Variants in XXYLT1 observed in about 807,000 individuals in gnomAD.
XXYLT1 encodes the protein UDP-xylose:alpha-xyloside alpha-1,3-xylosyltransferase.
In XXYLT1, 20 loss-of-function variants were observed where a neutral mutation model predicts 28.9. That is an observed-to-expected ratio of 0.69 (90% CI 0.49 to 1.00). XXYLT1 has a LOEUF of 1.00. XXYLT1 is among the 50% of genes least tolerant of loss of function. The pLI, the probability that XXYLT1 is intolerant of heterozygous loss-of-function variation, is 0.00. For missense variants in XXYLT1, 542 were observed against 560.1 expected (o/e 0.97, Z 0.33); for synonymous variants, 257 against 253.8 (o/e 1.01, Z -0.12).
chr3:195,146,561 G>C (rs1031064709), intron 3 of XXYLT1, among the ~76,000 whole-genome samples: 7 of 152,148 alleles, frequency 4.6e-5, no homozygotes, highest in African/African-American at 1.4e-4. Context: ...CTTTCTATTC[G>C]GGCACAGAGT....
intron 1 of XXYLT1, among the ~76,000 whole-genome samples, chr3:195,228,446 C>T (rs1218562865): frequency 1.3e-5 from 2 of 151,344 alleles, no homozygotes; most frequent in Non-Finnish European, 2.9e-5. Flanking sequence ...CCACCGTCTG[C>T]TCTTCCCTAC....
At chr3:195,235,241 T>A (rs1249634514) in intron 1 of XXYLT1, among the ~76,000 whole-genome samples, 1 of 152,180 alleles carries the variant, frequency 6.6e-6, no homozygotes, top group African/African-American at 2.4e-5. Context: ...TATTTTCACA[T>A]AGCCTCTTAA....
At chr3:195,241,383 A>G (rs947718558) in intron 1 of XXYLT1, among the ~76,000 whole-genome samples, 1 of 152,198 alleles carries the variant, frequency 6.6e-6, no homozygotes, top group Non-Finnish European at 1.5e-5. Flanking sequence ...GTTTCCTTAA[A>G]GGAAGTTTTC....
chr3:195,260,239 G>A (rs1294780798), intron 1 of XXYLT1, among the ~76,000 whole-genome samples: 1 of 150,698 alleles, frequency 6.6e-6, no homozygotes, highest in Admixed American at 6.6e-5. Flanking sequence ...CACTGCACTC[G>A]GCCCGTGTGT....
intron 1 of XXYLT1, among the ~76,000 whole-genome samples, chr3:195,258,377 C>T (rs1016372565): frequency 1.3e-5 from 2 of 152,142 alleles, no homozygotes; most frequent in Admixed American, 1.3e-4. Context: ...CCAAAAATGA[C>T]TATAAACAGT....
At chr3:195,212,969 C>T (rs1318937137) in intron 2 of XXYLT1, among the ~76,000 whole-genome samples, 3 of 152,238 alleles carry the variant, frequency 2.0e-5, no homozygotes, top group Non-Finnish European at 4.4e-5. Flanking sequence ...TCCTCTTCAA[C>T]AACTCCATCC....
chr3:195,139,481 C>T (rs796989302), intron 3 of XXYLT1, among the ~76,000 whole-genome samples: 48 of 152,274 alleles, frequency 3.2e-4, no homozygotes, highest in African/African-American at 1.1e-3. Flanking sequence ...ACCTCCACGT[C>T]GCAGGAGTGC....
chr3:195,192,696 G>A (rs996130043), intron 2 of XXYLT1, among the ~76,000 whole-genome samples: 52 of 152,182 alleles, frequency 3.4e-4, no homozygotes, highest in African/African-American at 1.2e-3. Context: ...TCCTCCTAAG[G>A]TTGGGAACAA....
chr3:195,238,215 G>A (rs1419799651), intron 1 of XXYLT1, among the ~76,000 whole-genome samples: 1 of 152,052 alleles, frequency 6.6e-6, no homozygotes, highest in Non-Finnish European at 1.5e-5. Flanking sequence ...GGCCACACCT[G>A]GATGACCTAC....
At chr3:195,269,358 A>C (rs1725943455) in intron 1 of XXYLT1, among the ~76,000 whole-genome samples, 1 of 152,222 alleles carries the variant, frequency 6.6e-6, no homozygotes, top group Non-Finnish European at 1.5e-5. Context: ...GAGGACCTTC[A>C]GAGGTCCCAG....
intron 3 of XXYLT1, among the ~76,000 whole-genome samples, chr3:195,085,664 T>C (rs573672305): frequency 1.3e-5 from 2 of 152,314 alleles, no homozygotes; most frequent in South Asian, 2.1e-4. Flanking sequence ...GTGACAATCC[T>C]AGTAGAGTTC....
intron 3 of XXYLT1, chr3:195,094,716 C>G (rs1716324956): frequency 2.6e-5 from 4 of 153,904 alleles, no homozygotes; most frequent in African/African-American, 9.6e-5. Context: ...GCCACCCTTC[C>G]CCCACAGAGT....
Position 195,204,476 on chromosome 3 carries a change from A to ACTCTCTCT in XXYLT1, c.652+22225_652+22232dup, listed in dbSNP as rs61196221. Reference sequence around the variant, plus strand: ...CGCACACACACACACTCACTCTCTCACTCTCTCTCTCTCTCTCTCTCTCTC... The same window carrying ACTCTCTCT: ...CGCACACACACACACTCACTCTCTCACTCTCTCTCTCTCTCTCTCTCTCTCTCTCTCTC... On this transcript the variant is annotated intron_variant, in intron 2 of 3. Coordinates refer to ENST00000310380, the MANE Select transcript of XXYLT1 (RefSeq NM_152531.5). Among the ~76,000 whole-genome samples the ACTCTCTCT allele has an allele frequency of 6.1e-3, 774 of 125,954 alleles. 15 individuals are homozygous for ACTCTCTCT. Among genetic ancestry groups the ACTCTCTCT allele is most frequent in the African/African-American group, 0.019 (691 of 35,868 alleles). The allele number at this position is 125,954 out of a possible 152,430, so 82.6% of individuals were successfully genotyped here.
chr3:195,211,461 G>C (rs1343794864), intron 2 of XXYLT1, among the ~76,000 whole-genome samples: 1 of 152,166 alleles, frequency 6.6e-6, no homozygotes, highest in Non-Finnish European at 1.5e-5. Context: ...AAATAAAGTA[G>C]TTCAAGATAA....
At position 195,068,460 on chromosome 3, in the gene XXYLT1, ACGGTCTAACG is replaced by A; in HGVS notation, c.*1245_*1254del. 1 of 152,218 alleles carries A rather than the reference ACGGTCTAACG, an allele frequency of 6.6e-6. No homozygotes were observed. Among genetic ancestry groups the A allele is most frequent in the East Asian group, 1.9e-4 (1 of 5,196 alleles). The allele number at this position is 152,218 out of a possible 1,614,324, so 9.4% of individuals were successfully genotyped here. ...GACGCTTTAATTTCTGCTAAGGTCT[ACGGTCTAACG>A]TGGTATGATAAGGGGATTTTTTAAA... On this transcript the variant is annotated 3_prime_UTR_variant, in exon 4 of 4. Transcript: ENST00000310380.
At chr3:195,214,572 C>G (rs1019752830) in intron 2 of XXYLT1, among the ~76,000 whole-genome samples, 1 of 152,136 alleles carries the variant, frequency 6.6e-6, no homozygotes, top group African/African-American at 2.4e-5. Flanking sequence ...CATCTACATA[C>G]GGCATCCACA....
chr3:195,119,754 T>C (rs1718248511), intron 3 of XXYLT1, among the ~76,000 whole-genome samples: 1 of 152,194 alleles, frequency 6.6e-6, no homozygotes, highest in African/African-American at 2.4e-5. Flanking sequence ...GGCACAAACA[T>C]CACAAACATC....
At chr3:195,086,228 G>GA (rs1190361779) in intron 3 of XXYLT1, among the ~76,000 whole-genome samples, 1 of 152,112 alleles carries the variant, frequency 6.6e-6, no homozygotes, top group Admixed American at 6.6e-5. Flanking sequence ...TTTAAGGGAA[G>GA]AAAATCCACA....
At chr3:195,182,623 C>A (rs568733022) in intron 2 of XXYLT1, among the ~76,000 whole-genome samples, 2 of 152,190 alleles carry the variant, frequency 1.3e-5, no homozygotes, top group East Asian at 3.9e-4. Context: ...CCTCCTCCCC[C>A]ACTCCCCTGA....
Sources: allele counts gnomAD v4.1 joint callset (sites outside exome capture counted in the v4.1 genomes callset), GRCh38; gene constraint gnomAD v4.1.1; transcripts MANE v1.5; gene names NCBI Gene and HGNC (gene_info 2026-07-23, HGNC 2026-07-21).